Variants in DBT observed in about 807,000 individuals in gnomAD.
The protein encoded by DBT is lipoamide acyltransferase component of branched-chain alpha-keto acid dehydrogenase complex, mitochondrial.
Under a neutral mutation model 51.3 loss-of-function variants are expected in DBT, and 40 were observed. The ratio of observed to expected loss-of-function variants is 0.78; its 90% CI spans 0.61 to 1.02. The LOEUF is 1.02. Among genes scored for constraint, DBT ranks in the 50% least tolerant of loss-of-function variants. The pLI, the probability that DBT is intolerant of heterozygous loss-of-function variation, is 0.00. For synonymous variants in DBT, 181 were observed against 190.4 expected (o/e 0.95, Z 0.41); for missense variants, 510 against 580.2 (o/e 0.88, Z 1.24).
intron 3 of DBT, among the ~76,000 whole-genome samples, chr1:100,234,267 C>T (rs751994324): frequency 8.5e-5 from 13 of 152,052 alleles, no homozygotes; most frequent in Admixed American, 3.9e-4. Context: ...TTTCCCCTTC[C>T]AAGAGCTGTA....
Position 100,215,999 on chromosome 1 carries a change from T to G in DBT, c.756A>C (p.Lys252Asn). The G allele has an allele frequency of 1.9e-6, 3 of 1,594,796 alleles. No homozygotes were observed. Among genetic ancestry groups the G allele is most frequent in the Non-Finnish European group, 1.7e-6 (2 of 1,162,454 alleles). Residue 252 changes from lysine to asparagine, a missense_variant, in exon 6 of 11, where the codon AAA becomes AAC. Physicochemically the swap from Lys to Asn is moderately conservative, Grantham distance 94 (BLOSUM62 0). Coordinates refer to ENST00000370132, the MANE Select transcript of DBT (RefSeq NM_001918.5). Reference sequence around the variant, plus strand: ...TATCATTACCTTTTATGGGTTCTGTTTTGTCTTTGCCTGTGAATACCGGAG... The same window carrying G: ...TATCATTACCTTTTATGGGTTCTGTGTTGTCTTTGCCTGTGAATACCGGAG... ...SKPPVFTGKD[K>N]TEPIKGFQKA...
chr1:100,216,206 A>G lies in DBT; in HGVS notation c.556-7T>C, dbSNP rs755448648. On this transcript the variant is annotated splice_region_variant and splice_polypyrimidine_tract_variant and intron_variant, in intron 5 of 10. Transcript: ENST00000370132. ...CAACTTCACTCAGCTTAATCTAAAA[A>G]ATGATATATTTTAATGCCAAAAATA... 22 of 1,597,100 alleles carry G rather than the reference A, an allele frequency of 1.4e-5. No individual in the cohort carries two copies. The African/African-American group carries it at 2.9e-4, about 21-fold the overall frequency.
At chr1:100,211,047 A>C in intron 7 of DBT, 2 of 774,178 alleles carry the variant, frequency 2.6e-6, no homozygotes, top group Non-Finnish European at 4.8e-6. Context: ...GACCAGCCAA[A>C]GTTCCAAAGA....
At chr1:100,229,086 T>A (rs1043280825) in intron 4 of DBT, among the ~76,000 whole-genome samples, 2 of 152,152 alleles carry the variant, frequency 1.3e-5, no homozygotes, top group Non-Finnish European at 2.9e-5. Flanking sequence ...TCATAGAAAA[T>A]ATTCTGGACA....
intron 4 of DBT, among the ~76,000 whole-genome samples, chr1:100,228,485 A>C (rs4908047): frequency 2.6e-5 from 4 of 151,640 alleles, no homozygotes; most frequent in Non-Finnish European, 5.9e-5. Context: ...TAGGCCAGGC[A>C]TGGTGGCTCA....
At chr1:100,234,879 G>A (rs753893203) in intron 3 of DBT, among the ~76,000 whole-genome samples, 11 of 152,102 alleles carry the variant, frequency 7.2e-5, no homozygotes, top group Non-Finnish European at 1.5e-4. Context: ...ATCTAAGGTG[G>A]GAAGTAATCT....
At chr1:100,224,157 C>A (rs1663028961) in intron 4 of DBT, among the ~76,000 whole-genome samples, 1 of 152,170 alleles carries the variant, frequency 6.6e-6, no homozygotes, top group African/African-American at 2.4e-5. Context: ...GTCTTGATCT[C>A]TTCTACCCTT....
In DBT at chr1:100,206,618, T is replaced by C. The variant is rs1302449788; in HGVS notation, c.1036A>G (p.Ile346Val). 7 of 1,607,908 alleles carry C rather than the reference T, an allele frequency of 4.4e-6. No homozygotes were observed. Among genetic ancestry groups the C allele is most frequent in the African/African-American group, 1.3e-5 (1 of 74,768 alleles). The stretch of plus-strand genomic sequence containing the variant: ...AAACCCTGCTCAGTATCCATTGCTA[T>C]CCCAATGTTATGAGAAGCCTAAAAA... ...ITYKASHNIGIAMDTEQGLIV... is the reference protein window; with the variant it reads ...ITYKASHNIGVAMDTEQGLIV... The change falls in exon 9 of 11, where the codon ATA becomes GTA. Residue 346 changes from isoleucine to valine, a missense_variant. Ile to Val is a conservative substitution (Grantham distance 29, BLOSUM62 3). Coordinates refer to ENST00000370132, the MANE Select transcript of DBT (RefSeq NM_001918.5).
chr1:100,238,413 CTCT>C (rs1334522350), intron 2 of DBT, among the ~76,000 whole-genome samples: 3 of 48,350 alleles, frequency 6.2e-5, no homozygotes, highest in African/African-American at 1.3e-4. Flanking sequence ...CCTCCTCCTT[CTCT>C]TCTTCTTTCT....
chr1:100,203,702 AT>A (rs1271205773), intron 10 of DBT, among the ~76,000 whole-genome samples: 7 of 152,262 alleles, frequency 4.6e-5, no homozygotes, highest in African/African-American at 1.7e-4. Flanking sequence ...AAAATCCTCA[AT>A]AAAACACTGG....
intron 3 of DBT, among the ~76,000 whole-genome samples, chr1:100,234,726 C>T (rs1424903496): frequency 1.3e-5 from 2 of 152,248 alleles, no homozygotes; most frequent in East Asian, 3.9e-4. Flanking sequence ...TCCATAATCC[C>T]ACAGTGCCAC....
Position 100,225,050 on chromosome 1 carries a change from T to TACACAC in DBT, c.433+5682_433+5683insGTGTGT, listed in dbSNP as rs56152348. On this transcript the variant is annotated intron_variant, in intron 4 of 10. Transcript: ENST00000370132. Reference sequence around the variant, plus strand: ...AAAAAAAAAAAAAAAAAAATATATATATACACACACACACACACACACACA... The same window carrying TACACAC: ...AAAAAAAAAAAAAAAAAAATATATATACACACATACACACACACACACACACACACA... Among the ~76,000 whole-genome samples the TACACAC allele has an allele frequency of 3.8e-4, 30 of 78,086 alleles. 1 individual carries two copies. Among genetic ancestry groups the TACACAC allele is most frequent in the East Asian group, 7.9e-4 (2 of 2,524 alleles). 51.2% of individuals were successfully genotyped at this position (78,086 alleles called of 152,430 possible).
chr1:100,249,578 G>A (rs923281326), intron 1 of DBT, among the ~76,000 whole-genome samples, 192 bp downstream of exon 1: 9 of 152,156 alleles, frequency 5.9e-5, no homozygotes, highest in Non-Finnish European at 1.0e-4. Context: ...CAGGTAAGGG[G>A]AGGGAGTGGG....
intron 1 of DBT, among the ~76,000 whole-genome samples, chr1:100,245,557 A>T (rs1490600074): frequency 6.6e-6 from 1 of 152,250 alleles, no homozygotes; most frequent in Non-Finnish European, 1.5e-5. Flanking sequence ...GCAATTATTA[A>T]TAACACCATT....
intron 6 of DBT, among the ~76,000 whole-genome samples, chr1:100,215,424 T>C (rs1035434980): frequency 1.3e-5 from 2 of 152,238 alleles, no homozygotes; most frequent in African/African-American, 4.8e-5. Flanking sequence ...ATTATCAATA[T>C]ACAAGTTTAT....
chr1:100,222,518 C>A (rs1662912441), intron 4 of DBT, among the ~76,000 whole-genome samples: 1 of 152,126 alleles, frequency 6.6e-6, no homozygotes, highest in African/African-American at 2.4e-5. Flanking sequence ...GAGGTCAAAT[C>A]CTAACTCCAC....
At chr1:100,230,049 T>C (rs1663451213) in intron 4 of DBT, among the ~76,000 whole-genome samples, 1 of 152,198 alleles carries the variant, frequency 6.6e-6, no homozygotes, top group South Asian at 2.1e-4. Context: ...TTTTTTTTTG[T>C]ATCAGTGGCA....
intron 10 of DBT, among the ~76,000 whole-genome samples, chr1:100,198,897 A>C (rs1412881120): frequency 6.6e-6 from 1 of 152,224 alleles, no homozygotes; most frequent in Non-Finnish European, 1.5e-5. Flanking sequence ...CAAGTCCCAG[A>C]GATGTTCAAC....
chr1:100,235,377 G>A (rs1663808521), intron 3 of DBT, 59 bp downstream of exon 3: 2 of 835,378 alleles, frequency 2.4e-6, no homozygotes, highest in South Asian at 3.1e-5. Flanking sequence ...AATAAAAATA[G>A]TTATTTTTAC....
Sources: gnomAD v4.1 joint callset for allele counts (sites outside exome capture counted in the v4.1 genomes callset) on GRCh38, gnomAD v4.1.1 for gene constraint, MANE v1.5 for transcripts, NCBI Gene and HGNC (gene_info 2026-07-23, HGNC 2026-07-21) for gene names.